The following VWA3A variants were observed in gnomAD, a reference collection of about 807,000 sequenced individuals.
VWA3A encodes von Willebrand factor A domain containing 3A, also known as von Willebrand factor A domain-containing protein 3A.
VWA3A carries 134 observed loss-of-function variants against 160.4 expected under a neutral mutation model. The ratio of observed to expected loss-of-function variants is 0.84; its 90% CI spans 0.73 to 0.96. VWA3A has a LOEUF of 0.96. VWA3A is among the 40% of genes least tolerant of loss of function. The pLI, the probability that VWA3A is intolerant of heterozygous loss-of-function variation, is 0.00. For missense variants in VWA3A, 1,310 were observed against 1,447.9 expected (o/e 0.90, Z 1.55); for synonymous variants, 476 against 543.4 (o/e 0.88, Z 1.72).
At position 22,146,304 on chromosome 16, in the gene VWA3A, G is replaced by A. The variant is rs748933836; in HGVS notation, c.2799G>A (p.Val933=). ...TGTACATCAGGCACTTGGAGAAGGT[G>A]TTAAGGCGCTATGTCCAGAGGCTGC... The part of the protein sequence containing the change: ...MEVYIRHLEK[V]LRRYVQRLQW... Residue 933 remains valine (V), a synonymous_variant, in exon 27 of 34, where the codon GTG becomes GTA. Transcript: ENST00000389398. The A allele has an allele frequency of 2.5e-6, 4 of 1,613,678 alleles. No individual in the cohort carries two copies. Among genetic ancestry groups the A allele is most frequent in the Non-Finnish European group, 2.5e-6 (3 of 1,179,734 alleles).
intron 5 of VWA3A, among the ~76,000 whole-genome samples, chr16:22,102,481 C>T (rs925922597): frequency 3.9e-5 from 6 of 152,126 alleles, no homozygotes; most frequent in South Asian, 2.1e-4. Flanking sequence ...TTTTGTCCCT[C>T]TCTAGGCCCC....
Position 22,092,558 on chromosome 16 carries a change from T to C in VWA3A, c.-80T>C. 3.3e-6 allele frequency: 5 copies of C among 1,534,416 alleles called. No homozygotes were observed. The highest frequency in any genetic ancestry group is 4.4e-6 in the Non-Finnish European group (5 of 1,135,338). Reference sequence around the variant, plus strand: ...TCGCTGCTGAGTTGCTTGGAGGAGCTTGGAGAAACCAGAAGTGAGATCCAG... The same window carrying C: ...TCGCTGCTGAGTTGCTTGGAGGAGCCTGGAGAAACCAGAAGTGAGATCCAG... On this transcript the variant is annotated 5_prime_UTR_variant, in exon 1 of 34. Transcript: ENST00000389398.
At chr16:22,121,642 C>CTGTGGAGGACTGGAGAGAATT in intron 14 of VWA3A, 25 bp downstream of exon 14, 1 of 1,554,104 alleles carries the variant, frequency 6.4e-7, no homozygotes, top group Non-Finnish European at 8.9e-7. Flanking sequence ...TAATTCTCTC[C>CTGTGGAGGACTGGAGAGAATT]AGTCCTCCAC....
In VWA3A at chr16:22,115,840, A is replaced by G. The variant is rs376464985; in HGVS notation, c.815+368A>G. Among the ~76,000 whole-genome samples the G allele has an allele frequency of 0.019, 40 of 2,068 alleles. No individual in the cohort carries two copies. In the East Asian group the frequency reaches 0.25, roughly 13 times the overall value. 1.4% of individuals were successfully genotyped at this position (2,068 alleles called of 152,430 possible). A position where few individuals can be genotyped will look rare whatever the true frequency, so the allele number is the denominator to read the frequency against. ...CAACAGAGTGAGACCCAGGGAAGGA[A>G]GGAAGGAAGGAAGGAAGGAAGGAAG... is the stretch of plus-strand genomic sequence containing the variant. On this transcript the variant is annotated intron_variant, in intron 9 of 33. Transcript: ENST00000389398.
rs1374032407 is a variant in VWA3A, at chr16:22,150,762, G to T, written c.3197G>T (p.Cys1066Phe). ...LLTDGKPDTS[C>F]SLVLNEVQKL... ...ACCGACGGAAAGCCAGACACAAGCT[G>T]CAGCCTTGTCCTAAATGAAGTCCAA... Residue 1066 changes from cysteine (C) to phenylalanine (F), a missense_variant, in exon 30 of 34, where the codon TGC becomes TTC. By Grantham distance (205) the Cys-to-Phe change is radical (BLOSUM62 -2). Transcript: ENST00000389398. 6.2e-7 allele frequency: 1 copy of T among 1,613,040 alleles called. No homozygotes were observed. The highest frequency in any genetic ancestry group is 1.1e-5 in the South Asian group (1 of 90,812).
At chr16:22,127,834 C>T (rs1032418010) in intron 17 of VWA3A, among the ~76,000 whole-genome samples, 1 of 152,084 alleles carries the variant, frequency 6.6e-6, no homozygotes, top group African/African-American at 2.4e-5. Flanking sequence ...TGCTGTTAAG[C>T]GTTTTCTATA....
chr16:22,135,377 C>G (rs2046021308), intron 21 of VWA3A, among the ~76,000 whole-genome samples: 1 of 152,158 alleles, frequency 6.6e-6, no homozygotes. Context: ...ACATGGACAA[C>G]AATCAGATTA....
rs543916969 is a variant in VWA3A, at chr16:22,128,547, A to G, written c.1652+2250A>G. Reference sequence around the variant, plus strand: ...TGATTCCTCAAAGACCTAAAAACAGAACTACCATTCAAAGTAGCAATCCCA... The same window carrying G: ...TGATTCCTCAAAGACCTAAAAACAGGACTACCATTCAAAGTAGCAATCCCA... On this transcript the variant is annotated intron_variant, in intron 17 of 33. Coordinates refer to ENST00000389398, the MANE Select transcript of VWA3A (RefSeq NM_173615.5). Among the ~76,000 whole-genome samples the G allele has an allele frequency of 3.9e-5, 6 of 152,334 alleles. 1 individual carries two copies. The highest frequency in any genetic ancestry group is 3.3e-4 in the Admixed American group (5 of 15,300).
At chr16:22,149,671 G>T in intron 28 of VWA3A, 116 bp from the exon 29 acceptor site, 1 of 1,308,152 alleles carries the variant, frequency 7.6e-7, no homozygotes, top group Non-Finnish European at 1.0e-6. Flanking sequence ...CTTCAGTGAC[G>T]AGCAAGAATA....
chr16:22,135,835 G>A (rs1456240219), intron 21 of VWA3A, among the ~76,000 whole-genome samples: 2 of 152,070 alleles, frequency 1.3e-5, no homozygotes, highest in African/African-American at 2.4e-5. Context: ...TGTCGCCCAG[G>A]CTGGAGTGCC....
chr16:22,103,122 C>A (rs1286540356), intron 5 of VWA3A, among the ~76,000 whole-genome samples: 1 of 152,216 alleles, frequency 6.6e-6, no homozygotes, highest in Admixed American at 6.5e-5. Context: ...CAGCCTTGAA[C>A]TCCTGGGCTC....
intron 5 of VWA3A, among the ~76,000 whole-genome samples, chr16:22,100,994 A>G (rs1357416599): frequency 2.7e-5 from 4 of 150,084 alleles, no homozygotes; most frequent in Non-Finnish European, 5.9e-5. Context: ...AGGAAAAACT[A>G]CCACTCAGGG....
intron 9 of VWA3A, among the ~76,000 whole-genome samples, chr16:22,115,695 G>T (rs893310730): frequency 6.6e-6 from 1 of 151,008 alleles, no homozygotes; most frequent in African/African-American, 2.4e-5. Flanking sequence ...AAATTAGCTG[G>T]TCATGGTTGT....
chr16:22,093,462 A>G (rs140209556), intron 1 of VWA3A, among the ~76,000 whole-genome samples: 3 of 152,276 alleles, frequency 2.0e-5, no homozygotes, highest in East Asian at 3.9e-4. Flanking sequence ...CAAAGGCCTG[A>G]GGGAAAGGGC....
chr16:22,129,813 G>A (rs915679210), intron 17 of VWA3A, among the ~76,000 whole-genome samples: 1 of 152,148 alleles, frequency 6.6e-6, no homozygotes, highest in Non-Finnish European at 1.5e-5. Flanking sequence ...ACACAAGAAA[G>A]AAGAACCCAG....
chr16:22,095,461 C>T (rs2045303845), intron 1 of VWA3A, among the ~76,000 whole-genome samples: 1 of 152,160 alleles, frequency 6.6e-6, no homozygotes, highest in South Asian at 2.1e-4. Context: ...CAGATGCCAT[C>T]TGAAGGATCT....
chr16:22,123,740 T>C (rs1357886447), intron 16 of VWA3A, 33 bp downstream of exon 16: 1 of 1,580,388 alleles, frequency 6.3e-7, no homozygotes, highest in Non-Finnish European at 8.6e-7. Context: ...TTATCCTTCA[T>C]GGGTCTGGTG....
intron 31 of VWA3A, among the ~76,000 whole-genome samples, chr16:22,154,323 CTTTTTTTTTTT>C (rs988862954): frequency 1.1e-4 from 8 of 73,904 alleles, no homozygotes; most frequent in South Asian, 5.4e-4. Context: ...TTTTCTTTTT[CTTTTTTTTTTT>C]TTTTTTTTTT....
chr16:22,145,015 T>A (rs573516146), intron 26 of VWA3A, among the ~76,000 whole-genome samples: 35 of 152,256 alleles, frequency 2.3e-4, no homozygotes, highest in African/African-American at 7.5e-4. Flanking sequence ...CCAATACTGA[T>A]GATGGTTCTG....
Sources: allele counts gnomAD v4.1 joint callset (sites outside exome capture counted in the v4.1 genomes callset), GRCh38; gene constraint gnomAD v4.1.1; transcripts MANE v1.5; gene names NCBI Gene and HGNC (gene_info 2026-07-23, HGNC 2026-07-21).